The following SIPA1L2 variants were observed in gnomAD, a reference collection of about 807,000 sequenced individuals.
The protein encoded by SIPA1L2 is signal induced proliferation associated 1 like 2, also known as signal-induced proliferation-associated 1-like protein 2.
In SIPA1L2, 56 loss-of-function variants were observed where a neutral mutation model predicts 163.9. That is an observed-to-expected ratio of 0.34 (90% CI 0.28 to 0.43). The LOEUF (loss-of-function observed/expected upper bound fraction) is 0.43, where lower values mean the gene tolerates loss of function less well. Among genes scored for constraint, SIPA1L2 ranks in the 20% least tolerant of loss-of-function variants. SIPA1L2 has a pLI of 1.00. For synonymous variants in SIPA1L2, 877 were observed against 865.7 expected (o/e 1.01, Z -0.23); for missense variants, 1,974 against 2,193.5 (o/e 0.90, Z 2.00).
At chr1:232,562,524 T>C (rs1441288438) in intron 2 of SIPA1L2, among the ~76,000 whole-genome samples, 4 of 152,246 alleles carry the variant, frequency 2.6e-5, no homozygotes, top group African/African-American at 9.6e-5. Flanking sequence ...CCCAATCTAT[T>C]ATGTGGACAC....
At chr1:232,574,873 T>C (rs1573108809) in intron 1 of SIPA1L2, among the ~76,000 whole-genome samples, 1 of 152,200 alleles carries the variant, frequency 6.6e-6, no homozygotes, top group African/African-American at 2.4e-5. Flanking sequence ...AAACACTTTA[T>C]ATATGTTATT....
intron 8 of SIPA1L2, among the ~76,000 whole-genome samples, chr1:232,466,782 C>G (rs1371160878): frequency 6.6e-6 from 1 of 152,086 alleles, no homozygotes; most frequent in Non-Finnish European, 1.5e-5. Flanking sequence ...CAAAGCAAGA[C>G]TCCGTCTCAA....
intron 1 of SIPA1L2, among the ~76,000 whole-genome samples, chr1:232,598,939 G>A (rs1456254402): frequency 2.8e-5 from 4 of 140,430 alleles, no homozygotes; most frequent in Admixed American, 7.3e-5. Flanking sequence ...AACCTGTTAC[G>A]TATGTGACAA....
intron 10 of SIPA1L2, among the ~76,000 whole-genome samples, chr1:232,458,671 CTTATCTTAATAA>C (rs1358747280): frequency 6.6e-6 from 1 of 152,104 alleles, no homozygotes; most frequent in Non-Finnish European, 1.5e-5. Flanking sequence ...AAGACTGATT[CTTATCTTAATAA>C]TTAAAAACCT....
At chr1:232,556,653 A>G (rs1658722843) in intron 2 of SIPA1L2, among the ~76,000 whole-genome samples, 1 of 152,132 alleles carries the variant, frequency 6.6e-6, no homozygotes, top group African/African-American at 2.4e-5. Context: ...GGGAGCTGTT[A>G]TCAATCACAC....
intron 3 of SIPA1L2, 136 bp downstream of exon 3, chr1:232,513,721 G>A: frequency 1.1e-6 from 1 of 871,620 alleles, no homozygotes; most frequent in Non-Finnish European, 1.7e-6. Flanking sequence ...GACCATGATG[G>A]AGAACAAGGT....
chr1:232,531,960 G>C (rs1010681686), intron 2 of SIPA1L2, among the ~76,000 whole-genome samples: 1 of 152,182 alleles, frequency 6.6e-6, no homozygotes, highest in Non-Finnish European at 1.5e-5. Context: ...AGGTTAGAAA[G>C]GTAGCGGGCT....
At chr1:232,628,487 C>G (rs1275037230) in intron 1 of SIPA1L2, among the ~76,000 whole-genome samples, 1 of 152,174 alleles carries the variant, frequency 6.6e-6, no homozygotes, top group Admixed American at 6.5e-5. Context: ...ACAAAACTAA[C>G]AGAACTCTGA....
chr1:232,569,024 G>A (rs546768362), intron 2 of SIPA1L2, among the ~76,000 whole-genome samples: 2 of 152,128 alleles, frequency 1.3e-5, no homozygotes, highest in African/African-American at 2.4e-5. Flanking sequence ...GCAACTAACA[G>A]AGTACTGCAC....
At chr1:232,447,177 T>C (rs1663267228) in intron 10 of SIPA1L2, among the ~76,000 whole-genome samples, 1 of 152,240 alleles carries the variant, frequency 6.6e-6, no homozygotes, top group Non-Finnish European at 1.5e-5. Flanking sequence ...GATGTTGAGA[T>C]GATAGTATTT....
chr1:232,403,887 C>T (rs1260170780), intron 20 of SIPA1L2, among the ~76,000 whole-genome samples: 1 of 152,172 alleles, frequency 6.6e-6, no homozygotes, highest in Admixed American at 6.5e-5. Flanking sequence ...AAGCTGCTGG[C>T]TATGCATGAA....
intron 7 of SIPA1L2, 113 bp from the exon 8 acceptor site, chr1:232,471,641 C>T: frequency 9.9e-7 from 1 of 1,009,210 alleles, no homozygotes; most frequent in Non-Finnish European, 1.3e-6. Flanking sequence ...CACAGTCATT[C>T]TTTGGAAGTC....
intron 2 of SIPA1L2, among the ~76,000 whole-genome samples, chr1:232,523,478 T>C (rs1257828243): frequency 6.6e-6 from 1 of 152,198 alleles, no homozygotes; most frequent in Non-Finnish European, 1.5e-5. Flanking sequence ...CATTTATGTC[T>C]GAGGAAAACA....
intron 2 of SIPA1L2, among the ~76,000 whole-genome samples, chr1:232,573,572 C>T (rs1255951561): frequency 6.6e-6 from 1 of 152,138 alleles, no homozygotes; most frequent in Non-Finnish European, 1.5e-5. Flanking sequence ...CCTTCACAAG[C>T]CCATCTTATT....
chr1:232,548,909 C>T (rs1658213882), intron 2 of SIPA1L2, among the ~76,000 whole-genome samples: 1 of 152,184 alleles, frequency 6.6e-6, no homozygotes, highest in Non-Finnish European at 1.5e-5. Flanking sequence ...AGATGAGGTA[C>T]AGAAGTGGAA....
At chr1:232,403,669 C>A (rs1457586362) in intron 20 of SIPA1L2, 98 bp from the exon 21 acceptor site, 2 of 1,428,364 alleles carry the variant, frequency 1.4e-6, no homozygotes, top group African/African-American at 2.9e-5. Flanking sequence ...AATCTTTTCC[C>A]CCCTTCAAAC....
chr1:232,529,432 C>T (rs955530644), intron 2 of SIPA1L2, among the ~76,000 whole-genome samples: 1 of 152,186 alleles, frequency 6.6e-6, no homozygotes, highest in African/African-American at 2.4e-5. Context: ...ACCTATCGAC[C>T]TACTAAGTAT....
chr1:232,595,425 G>A (rs1299609454), intron 1 of SIPA1L2, among the ~76,000 whole-genome samples: 3 of 152,150 alleles, frequency 2.0e-5, no homozygotes, highest in South Asian at 2.1e-4. Flanking sequence ...GCCAGAGGTC[G>A]GAAAGCACAC....
rs1295853495 is a variant in SIPA1L2, at chr1:232,402,477, G to C, written c.4941-4C>G. 1 of 1,610,928 alleles carries C rather than the reference G, an allele frequency of 6.2e-7. No individual in the cohort carries two copies. Among genetic ancestry groups the C allele is most frequent in the African/African-American group, 1.3e-5 (1 of 74,970 alleles). ...CAGTGGTGATGGAGAACGCTCCCTA[G>C]CAAATAAGGATAGAATTAGAAAGAT... On this transcript the variant is annotated splice_polypyrimidine_tract_variant and splice_region_variant and intron_variant, in intron 21 of 22. Transcript: ENST00000674635.
Sources: gnomAD v4.1 joint callset for allele counts (sites outside exome capture counted in the v4.1 genomes callset) on GRCh38, gnomAD v4.1.1 for gene constraint, MANE v1.5 for transcripts, NCBI Gene and HGNC (gene_info 2026-07-23, HGNC 2026-07-21) for gene names.